FKBP6: variants seen among roughly 807,000 people sequenced by gnomAD.
The protein encoded by FKBP6 is inactive peptidyl-prolyl cis-trans isomerase FKBP6.
Under a neutral mutation model 41.7 loss-of-function variants are expected in FKBP6, and 29 were observed. That is an observed-to-expected ratio of 0.70 (90% CI 0.52 to 0.95). FKBP6 has a LOEUF of 0.95. Among genes scored for constraint, FKBP6 ranks in the 40% least tolerant of loss-of-function variants. The pLI, the probability that FKBP6 is intolerant of heterozygous loss-of-function variation, is 0.00. For synonymous variants in FKBP6, 130 were observed against 165.1 expected (o/e 0.79, Z 1.63); for missense variants, 338 against 408.7 (o/e 0.83, Z 1.49).
At chr7:73,356,301 A>C (rs1805630939) in intron 8 of FKBP6, among the ~76,000 whole-genome samples, 1 of 152,144 alleles carries the variant, frequency 6.6e-6, no homozygotes, top group Non-Finnish European at 1.5e-5. Flanking sequence ...TTAGATAGAC[A>C]CACAGAAACA....
chr7:73,338,443 G>A (rs900873805), intron 5 of FKBP6, among the ~76,000 whole-genome samples: 1 of 152,218 alleles, frequency 6.6e-6, no homozygotes, highest in Non-Finnish European at 1.5e-5. Flanking sequence ...TGCAGTGAGC[G>A]TTTATGTACA....
At chr7:73,340,973 G>C in intron 6 of FKBP6, 141 bp downstream of exon 6, 1 of 733,030 alleles carries the variant, frequency 1.4e-6, no homozygotes, top group Non-Finnish European at 2.3e-6. Flanking sequence ...GCCCAGGATG[G>C]AGTGCAGTGG....
At chr7:73,353,423 T>G (rs1324124858) in intron 8 of FKBP6, among the ~76,000 whole-genome samples, 6 of 152,232 alleles carry the variant, frequency 3.9e-5, no homozygotes, top group African/African-American at 1.4e-4. Flanking sequence ...AACTCAGCAC[T>G]CTGCATCCTC....
At chr7:73,338,362 G>T (rs928644766) in intron 5 of FKBP6, among the ~76,000 whole-genome samples, 1 of 152,200 alleles carries the variant, frequency 6.6e-6, no homozygotes, top group Non-Finnish European at 1.5e-5. Flanking sequence ...CCGTTGGATG[G>T]CTCTGCTGCT....
At chr7:73,340,310 C>T (rs547140036) in intron 5 of FKBP6, among the ~76,000 whole-genome samples, 7 of 151,622 alleles carry the variant, frequency 4.6e-5, no homozygotes, top group African/African-American at 1.2e-4. Flanking sequence ...AGGTGGATCA[C>T]GAGGTCAGGA....
At chr7:73,332,707 T>G (rs782491998) in intron 5 of FKBP6, among the ~76,000 whole-genome samples, 2 of 152,170 alleles carry the variant, frequency 1.3e-5, no homozygotes, top group African/African-American at 4.8e-5. Flanking sequence ...GTATATGTAC[T>G]TGAACTAGAA....
At chr7:73,339,208 TAG>T (rs1443309023) in intron 5 of FKBP6, 2 of 152,256 alleles carry the variant, frequency 1.3e-5, no homozygotes, top group Non-Finnish European at 2.9e-5. Context: ...CGCAGAGTCT[TAG>T]AGTTTTAACT....
chr7:73,333,303 G>A (rs1804904957), intron 5 of FKBP6, among the ~76,000 whole-genome samples: 1 of 151,472 alleles, frequency 6.6e-6, no homozygotes, highest in African/African-American at 2.4e-5. Context: ...CCACACATGC[G>A]TGTGCTGTCT....
intron 7 of FKBP6, 125 bp downstream of exon 7, chr7:73,341,507 C>T: frequency 2.7e-6 from 2 of 744,462 alleles, no homozygotes; most frequent in South Asian, 1.4e-5. Flanking sequence ...GCCGCCCCCT[C>T]TACAGCTGGG....
intron 8 of FKBP6, among the ~76,000 whole-genome samples, chr7:73,355,132 C>A (rs929642106): frequency 7.9e-5 from 12 of 152,206 alleles, no homozygotes; most frequent in Admixed American, 2.6e-4. Context: ...AGTTCACAGT[C>A]CCTGTGCCTT....
intron 8 of FKBP6, among the ~76,000 whole-genome samples, chr7:73,345,671 C>A (rs1479990669): frequency 6.6e-6 from 1 of 152,184 alleles, no homozygotes; most frequent in African/African-American, 2.4e-5. Flanking sequence ...GGTTAACATA[C>A]AACAGGTGAA....
At chr7:73,353,838 ATTC>A (rs1805557197) in intron 8 of FKBP6, among the ~76,000 whole-genome samples, 1 of 151,800 alleles carries the variant, frequency 6.6e-6, no homozygotes, top group Admixed American at 6.6e-5. Context: ...GGTTCAAGCA[ATTC>A]TTCTGCCTCA....
At chr7:73,351,283 G>A (rs1805483498) in intron 8 of FKBP6, among the ~76,000 whole-genome samples, 1 of 152,136 alleles carries the variant, frequency 6.6e-6, no homozygotes, top group South Asian at 2.1e-4. Context: ...ATCCGCCTCA[G>A]CCTCCCAACG....
intron 5 of FKBP6, among the ~76,000 whole-genome samples, chr7:73,333,585 C>T (rs972827594): frequency 6.6e-6 from 1 of 152,230 alleles, no homozygotes; most frequent in South Asian, 2.1e-4. Flanking sequence ...ACCCAGGTGA[C>T]CCCGCAATGC....
chr7:73,330,701 G>A (rs1220381690), intron 4 of FKBP6, among the ~76,000 whole-genome samples: 1 of 152,152 alleles, frequency 6.6e-6, no homozygotes, highest in Non-Finnish European at 1.5e-5. Context: ...CTCATAACTA[G>A]GGTGACTGAA....
rs1176362296 is a variant in FKBP6, at chr7:73,329,802, G to A, written c.266-348G>A. On this transcript the variant is annotated intron_variant, in intron 3 of 8. Transcript: ENST00000252037. ...CCACCCTTAAGGACCTCACAATGTA[G>A]TGGAGGAGACTGACCTGCACTCAGC... is the stretch of plus-strand genomic sequence containing the variant. The A allele has an allele frequency of 1.3e-5, 7 of 522,166 alleles. No homozygotes were observed. In the Admixed American group the frequency reaches 2.2e-4, roughly 17 times the overall value. The allele number at this position is 522,166 out of a possible 1,614,324, so 32.3% of individuals were successfully genotyped here.
At chr7:73,348,335 G>A (rs1000585122) in intron 8 of FKBP6, among the ~76,000 whole-genome samples, 1 of 151,962 alleles carries the variant, frequency 6.6e-6, no homozygotes, top group Non-Finnish European at 1.5e-5. Flanking sequence ...GTTACATAAC[G>A]AATAATACTA....
rs1554546924 is a variant in FKBP6, at chr7:73,328,843, C to T, written c.175+151C>T. The T allele has an allele frequency of 4.3e-6, 6 of 1,385,758 alleles. 1 individual carries two copies. The Admixed American group carries it at 7.3e-5, about 17-fold the overall frequency. The allele number at this position is 1,385,758 out of a possible 1,614,324, so 85.8% of individuals were successfully genotyped here. A position where few individuals can be genotyped will look rare whatever the true frequency, so the allele number is the denominator to read the frequency against. On this transcript the variant is annotated intron_variant, in intron 2 of 8. Coordinates refer to ENST00000252037, the MANE Select transcript of FKBP6 (RefSeq NM_003602.5). ...TTTGTTTTTGAAACGGGGTCTTGCT[C>T]AGTTGCCCAGGCTGGAGTGCAGTGG...
chr7:73,357,178 G>A (rs548404025), intron 8 of FKBP6, among the ~76,000 whole-genome samples: 303 of 151,676 alleles, frequency 2.0e-3, no homozygotes, highest in Non-Finnish European at 3.4e-3. Context: ...GCTGCTGCTC[G>A]CTCCACCGTT....
Sources: allele counts gnomAD v4.1 joint callset (sites outside exome capture counted in the v4.1 genomes callset), GRCh38; gene constraint gnomAD v4.1.1; transcripts MANE v1.5; gene names NCBI Gene and HGNC (gene_info 2026-07-23, HGNC 2026-07-21).